Variants in ALDH4A1 observed in about 807,000 individuals in gnomAD.
The protein encoded by ALDH4A1 is aldehyde dehydrogenase 4 family member A1.
Under a neutral mutation model 70.5 loss-of-function variants are expected in ALDH4A1, and 46 were observed. The observed-to-expected ratio is 0.65, with a 90% confidence interval of 0.51 to 0.83. The LOEUF (loss-of-function observed/expected upper bound fraction) is 0.83. Ranked by LOEUF, ALDH4A1 falls within the 40% of genes least tolerant of loss-of-function variation. ALDH4A1 has a pLI of 0.00. For missense variants in ALDH4A1, 749 were observed against 766.5 expected, an observed-to-expected ratio of 0.98 and a Z score of 0.27; for synonymous variants, 323 against 324.3, an observed-to-expected ratio of 1.00 and a Z score of 0.04.
Position 18,883,285 on chromosome 1 carries a change from A to G in ALDH4A1, c.597T>C (p.Gly199=). ...CACTGCCTCCTGCAGGTACCTCCAGACCCCGGTACACCGTGCTGTTGGTGC... is the reference window on the plus strand; with the variant it reads ...CACTGCCTCCTGCAGGTACCTCCAGGCCCCGGTACACCGTGCTGTTGGTGC... The part of the protein sequence containing the change: ...PPSTNSTVYR[G]LEGFVAAISP... The change falls in exon 6 of 15, where the codon GGT becomes GGC. Residue 199 remains glycine (G), a synonymous_variant. Coordinates refer to ENST00000375341, the MANE Select transcript of ALDH4A1 (RefSeq NM_003748.4). 6.2e-7 allele frequency: 1 copy of G among 1,613,074 alleles called. No individual in the cohort carries two copies. Among genetic ancestry groups the G allele is most frequent in the Non-Finnish European group, 8.5e-7 (1 of 1,180,002 alleles).
intron 2 of ALDH4A1, among the ~76,000 whole-genome samples, chr1:18,889,764 A>G (rs2100592681): frequency 6.6e-6 from 1 of 152,394 alleles, no homozygotes; most frequent in East Asian, 1.9e-4. Flanking sequence ...ATGTTTAACT[A>G]TAAAACAACT....
intron 8 of ALDH4A1, among the ~76,000 whole-genome samples, chr1:18,879,753 C>G (rs545822168): frequency 1.3e-5 from 2 of 152,186 alleles, no homozygotes; most frequent in Non-Finnish European, 2.9e-5. Flanking sequence ...GCTGGGCACA[C>G]TGCAGGTACC....
chr1:18,889,423 G>T lies in ALDH4A1; in HGVS notation c.188C>A (p.Ala63Asp). 6.4e-7 allele frequency: 1 copy of T among 1,552,562 alleles called. No individual in the cohort carries two copies. Residue 63 changes from alanine (A) to aspartate (D), a missense_variant, in exon 3 of 15, where the codon GCC becomes GAC. By Grantham distance (126) the Ala-to-Asp change is moderately radical. Coordinates refer to ENST00000375341, the MANE Select transcript of ALDH4A1 (RefSeq NM_003748.4). ...CTCATCCCCCACCACGCATGGGATG[G>T]CTTCCATCCGGCCCTTCAGGTCCTT... ...ALKDLKGRME[A>D]IPCVVGDEEV...
intron 1 of ALDH4A1, among the ~76,000 whole-genome samples, chr1:18,891,984 C>T (rs766300745): frequency 7.3e-5 from 11 of 151,534 alleles, no homozygotes; most frequent in East Asian, 3.9e-4. Flanking sequence ...GCTGAGATCA[C>T]GCCACTGCAC....
chr1:18,875,353 A>G lies in ALDH4A1; in HGVS notation c.1460+29T>C, dbSNP rs1166527346. 3.1e-6 allele frequency: 5 copies of G among 1,613,734 alleles called. No individual in the cohort carries two copies. The East Asian group carries it at 6.7e-5, about 22-fold the overall frequency. Reference sequence around the variant, plus strand: ...GACACGGACAGGACACCCGGAGCACAGCACCAGGGCTGCGGCCTGGCCACT... The same window carrying G: ...GACACGGACAGGACACCCGGAGCACGGCACCAGGGCTGCGGCCTGGCCACT... On this transcript the variant is annotated intron_variant, in intron 13 of 14. Transcript: ENST00000375341.
intron 1 of ALDH4A1, 75 bp from the exon 2 acceptor site, chr1:18,890,180 T>C: frequency 3.2e-6 from 4 of 1,265,550 alleles, no homozygotes; most frequent in Non-Finnish European, 3.4e-6. Context: ...CCCCTCTACC[T>C]CCGACAGGGG....
chr1:18,890,130 A>G (rs1353161142), intron 1 of ALDH4A1, 25 bp from the exon 2 acceptor site: 1 of 1,586,648 alleles, frequency 6.3e-7, no homozygotes, highest in East Asian at 2.3e-5. Context: ...CAGGGGACAG[A>G]GGCAGAGAGG....
chr1:18,897,527 A>G (rs1319210223), intron 1 of ALDH4A1, among the ~76,000 whole-genome samples: 2 of 152,228 alleles, frequency 1.3e-5, no homozygotes, highest in African/African-American at 2.4e-5. Flanking sequence ...TGGGAGGTAG[A>G]GCGAGACTCC....
chr1:18,893,405 T>C (rs1358050512), intron 1 of ALDH4A1, among the ~76,000 whole-genome samples: 1 of 152,214 alleles, frequency 6.6e-6, no homozygotes, highest in Non-Finnish European at 1.5e-5. Flanking sequence ...CCGATGGCAA[T>C]TATTTCAAGG....
At chr1:18,890,528 G>A (rs116040735) in intron 1 of ALDH4A1, among the ~76,000 whole-genome samples, 1,982 of 152,124 alleles carry the variant, frequency 0.013, 45 homozygotes, top group African/African-American at 0.044. Context: ...GCCTGGGTGA[G>A]AGAGCGAAAA....
chr1:18,873,523 G>T (rs907749638), intron 14 of ALDH4A1, among the ~76,000 whole-genome samples: 8 of 152,172 alleles, frequency 5.3e-5, no homozygotes, highest in African/African-American at 1.7e-4. Flanking sequence ...GGGGCTGGAG[G>T]TTGAGTCGAC....
At chr1:18,888,550 G>A (rs967806040) in intron 3 of ALDH4A1, among the ~76,000 whole-genome samples, 2 of 152,242 alleles carry the variant, frequency 1.3e-5, no homozygotes, top group African/African-American at 4.8e-5. Flanking sequence ...CAGCTGCCAT[G>A]CAGCCTCAGA....
intron 1 of ALDH4A1, chr1:18,890,649 C>T (rs1295738726): frequency 1.6e-5 from 16 of 979,858 alleles, no homozygotes; most frequent in African/African-American, 7.0e-5. Context: ...CTCCTGTGAA[C>T]GTGGTTCTAC....
intron 11 of ALDH4A1, 53 bp from the exon 12 acceptor site, chr1:18,876,520 G>A (rs1281467616): frequency 1.6e-5 from 25 of 1,525,680 alleles, no homozygotes; most frequent in Middle Eastern, 2.2e-4. Context: ...GCATCCCTGC[G>A]GCAGCCCCCA....
At chr1:18,884,919 G>A (rs1388657332) in intron 5 of ALDH4A1, among the ~76,000 whole-genome samples, 2 of 152,198 alleles carry the variant, frequency 1.3e-5, no homozygotes, top group South Asian at 2.1e-4. Flanking sequence ...GAGGATGCCT[G>A]CCATGGCCGG....
chr1:18,887,115 A>C (rs1935233169), intron 3 of ALDH4A1, among the ~76,000 whole-genome samples: 1 of 152,244 alleles, frequency 6.6e-6, no homozygotes, highest in Admixed American at 6.5e-5. Context: ...CAGATTTACT[A>C]ATCTAAATAG....
In ALDH4A1 at chr1:18,886,519, G is replaced by C; in HGVS notation, c.250-8C>G. On this transcript the variant is annotated splice_region_variant and splice_polypyrimidine_tract_variant and intron_variant, in intron 3 of 14. Coordinates refer to ENST00000375341, the MANE Select transcript of ALDH4A1 (RefSeq NM_003748.4). Reference sequence around the variant, plus strand: ...ATGTCCATGGTTAAAAGGCTGAAAGGAGAGAAGAGTGAGGTCCTTGCCCGG... The same window carrying C: ...ATGTCCATGGTTAAAAGGCTGAAAGCAGAGAAGAGTGAGGTCCTTGCCCGG... The C allele has an allele frequency of 6.2e-7, 1 of 1,614,110 alleles. No homozygotes were observed. The highest frequency in any genetic ancestry group is 1.1e-5 in the South Asian group (1 of 91,064).
intron 7 of ALDH4A1, among the ~76,000 whole-genome samples, chr1:18,882,301 G>C (rs1432932234): frequency 6.6e-6 from 1 of 152,202 alleles, no homozygotes; most frequent in African/African-American, 2.4e-5. Context: ...CATGCACCGT[G>C]TTTGTCTGTG....
At chr1:18,885,684 G>A in intron 4 of ALDH4A1, 56 bp from the exon 5 acceptor site, 2 of 1,610,836 alleles carry the variant, frequency 1.2e-6, no homozygotes, top group South Asian at 1.1e-5. Flanking sequence ...AGGCCCTGGG[G>A]AGTGAGCGAG....
Sources: gnomAD v4.1 joint callset for allele counts (sites outside exome capture counted in the v4.1 genomes callset) on GRCh38, gnomAD v4.1.1 for gene constraint, MANE v1.5 for transcripts, NCBI Gene and HGNC (gene_info 2026-07-23, HGNC 2026-07-21) for gene names.